Variants in RIMBP2 observed in about 807,000 individuals in gnomAD.
The protein encoded by RIMBP2 is RIMS binding protein 2.
RIMBP2 carries 48 observed loss-of-function variants against 118.6 expected under a neutral mutation model. The observed-to-expected ratio is 0.40, with a 90% confidence interval of 0.32 to 0.51. RIMBP2 has a LOEUF of 0.51. Ranked by LOEUF, RIMBP2 falls within the 20% of genes least tolerant of loss-of-function variation. The pLI, the probability that RIMBP2 is intolerant of heterozygous loss-of-function variation, is 0.41. For synonymous variants in RIMBP2, 762 were observed against 742.9 expected (o/e 1.03, Z -0.42); for missense variants, 1,551 against 1,768.3 (o/e 0.88, Z 2.20).
At chr12:130,501,252 G>T (rs924333115) in intron 4 of RIMBP2, among the ~76,000 whole-genome samples, 4 of 152,074 alleles carry the variant, frequency 2.6e-5, no homozygotes, top group Admixed American at 6.5e-5. Context: ...CTCGCATCAG[G>T]ACATGGCTCC....
intron 1 of RIMBP2, among the ~76,000 whole-genome samples, chr12:130,653,192 A>C (rs2063296981): frequency 6.6e-6 from 1 of 152,234 alleles, no homozygotes; most frequent in Admixed American, 6.5e-5. Context: ...TCTCATTTGC[A>C]GATAAGTTCC....
intron 4 of RIMBP2, among the ~76,000 whole-genome samples, chr12:130,493,345 C>T (rs916504670): frequency 6.6e-6 from 1 of 152,000 alleles, no homozygotes; most frequent in Non-Finnish European, 1.5e-5. Context: ...GATGGAATCT[C>T]GCTCTGTTGC....
At chr12:130,664,283 C>T (rs572138023) in intron 1 of RIMBP2, among the ~76,000 whole-genome samples, 5 of 151,580 alleles carry the variant, frequency 3.3e-5, no homozygotes, top group South Asian at 2.1e-4. Flanking sequence ...AAAACATGTG[C>T]GGTTAAACTG....
intron 2 of RIMBP2, among the ~76,000 whole-genome samples, chr12:130,596,539 A>T (rs576989891): frequency 6.6e-6 from 1 of 152,332 alleles, no homozygotes; most frequent in South Asian, 2.1e-4. Context: ...CAACGTAGGA[A>T]AACCGTAGAG....
chr12:130,434,120 G>A lies in RIMBP2; in HGVS notation c.2253+614C>T, dbSNP rs1308981508. Among the ~76,000 whole-genome samples, 1 of 152,194 alleles carries A rather than the reference G, an allele frequency of 6.6e-6. No homozygotes were observed. Among genetic ancestry groups the A allele is most frequent in the Non-Finnish European group, 1.5e-5 (1 of 68,034 alleles). On this transcript the variant is annotated intron_variant, in intron 14 of 22. Transcript: ENST00000690449. The surrounding 1 kb of genome is among the most constrained non-coding windows in gnomAD (Gnocchi z 5.7). Reference sequence around the variant, plus strand: ...TACTGTGTGATCTGATAACTGCAGCGTCTTCGAGCTCCCACTATTTAGCAT... The same window carrying A: ...TACTGTGTGATCTGATAACTGCAGCATCTTCGAGCTCCCACTATTTAGCAT...
intron 20 of RIMBP2, among the ~76,000 whole-genome samples, 182 bp downstream of exon 20, chr12:130,407,544 C>T (rs2075291513): frequency 6.6e-6 from 1 of 152,216 alleles, no homozygotes; most frequent in African/African-American, 2.4e-5. Flanking sequence ...CTGGGAATCC[C>T]ATGATTTCTC....
In RIMBP2 at chr12:130,412,632, A is replaced by G; in HGVS notation, c.3576T>C (p.Pro1192=). 2 of 1,613,716 alleles carry G rather than the reference A, an allele frequency of 1.2e-6. No individual in the cohort carries two copies. The highest frequency in any genetic ancestry group is 1.7e-5 in the Admixed American group (1 of 59,914). The change falls in exon 19 of 23, where the codon CCT becomes CCC. Residue 1192 remains proline, a synonymous_variant. Transcript: ENST00000690449. ...GTTTGCGCTTACCTATTTTCTCCACAGGTGTATTCAGAGGGAGAAAGCCCT... is the reference window on the plus strand; with the variant it reads ...GTTTGCGCTTACCTATTTTCTCCACGGGTGTATTCAGAGGGAGAAAGCCCT... The part of the protein sequence containing the change: ...LRQGFLPLNT[P]VEKIERSRRS...
intron 2 of RIMBP2, among the ~76,000 whole-genome samples, chr12:130,544,273 T>C (rs1290232361): frequency 6.6e-6 from 1 of 152,180 alleles, no homozygotes; most frequent in Non-Finnish European, 1.5e-5. Context: ...CCCCAGTAGG[T>C]GCTTTTGTTA....
At chr12:130,643,072 CA>C (rs2062695090) in intron 1 of RIMBP2, among the ~76,000 whole-genome samples, 1 of 152,240 alleles carries the variant, frequency 6.6e-6, no homozygotes, top group Non-Finnish European at 1.5e-5. Context: ...ACAGCTGCCT[CA>C]GGGGTCCTGG....
At chr12:130,532,135 G>T (rs2053470965) in intron 2 of RIMBP2, among the ~76,000 whole-genome samples, 1 of 150,790 alleles carries the variant, frequency 6.6e-6, no homozygotes, top group Non-Finnish European at 1.5e-5. Flanking sequence ...GTAGCCTCTA[G>T]GAGTTACGTC....
chr12:130,552,702 GATC>G (rs1283818349), intron 2 of RIMBP2, among the ~76,000 whole-genome samples: 2 of 152,166 alleles, frequency 1.3e-5, no homozygotes, highest in African/African-American at 4.8e-5. Context: ...TGATAAAAAG[GATC>G]ATGTTAGTCT....
intron 1 of RIMBP2, among the ~76,000 whole-genome samples, chr12:130,707,929 G>A (rs1949618715): frequency 2.6e-5 from 4 of 151,746 alleles, no homozygotes; most frequent in Admixed American, 2.6e-4. Context: ...TGAGAGAGAG[G>A]GAGAGAGAGA....
At chr12:130,596,064 G>A (rs7977675) in intron 2 of RIMBP2, among the ~76,000 whole-genome samples, 2,914 of 152,264 alleles carry the variant, frequency 0.019, 104 homozygotes, top group African/African-American at 0.067. Context: ...CAAAGCCATC[G>A]TCCCTGATGT....
chr12:130,710,853 C>T lies in RIMBP2; in HGVS notation c.-352+5369G>A, dbSNP rs972717613. 6.6e-6 allele frequency among the ~76,000 whole-genome samples: 1 copy of T among 152,356 alleles called. No individual in the cohort carries two copies. Among genetic ancestry groups the T allele is most frequent in the Non-Finnish European group, 1.5e-5 (1 of 68,038 alleles). On this transcript the variant is annotated intron_variant, in intron 1 of 22. Transcript: ENST00000690449. The surrounding 1 kb of genome is among the most constrained non-coding windows in gnomAD (Gnocchi z 4.3). ...TGCTCTACCTGCTCCTCCACAAGCC[C>T]CACTGCTCCCAATCCTCACAGGCCC...
intron 1 of RIMBP2, among the ~76,000 whole-genome samples, chr12:130,705,641 G>A (rs1327109221): frequency 3.3e-5 from 5 of 152,354 alleles, no homozygotes; most frequent in East Asian, 1.9e-4. Flanking sequence ...GCTGCACACC[G>A]CTTTCCTGCT....
chr12:130,466,128 C>A (rs750516472), intron 6 of RIMBP2: 18 of 152,224 alleles, frequency 1.2e-4, no homozygotes, highest in Admixed American at 2.0e-4. Flanking sequence ...CTCCTATGCA[C>A]TCTCAGGACA....
In RIMBP2 at chr12:130,412,754, G is replaced by A. The variant is rs767327564; in HGVS notation, c.3454C>T (p.Arg1152Cys). Residue 1152 changes from arginine to cysteine, a missense_variant, in exon 19 of 23, where the codon CGT becomes TGT. Around this residue, in one of 5 missense-constraint regions of RIMBP2, gnomAD observed 1,038 missense variants for 1,125.1 expected, o/e 0.92. Coordinates refer to ENST00000690449, the MANE Select transcript of RIMBP2 (RefSeq NM_001393629.1). ...CCAAGCCGGGCACAGGTTTCCCCAC[G>A]GTAGAATCCATCAGCGTCTTTATCA... Reference protein sequence around the residue: ...YGDKDADGFYRGETCARLGLI... With the variant: ...YGDKDADGFYCGETCARLGLI... The A allele has an allele frequency of 9.9e-6, 16 of 1,613,620 alleles. No homozygotes were observed. The highest frequency in any genetic ancestry group is 2.7e-5 in the African/African-American group (2 of 74,808).
chr12:130,438,386 G>T lies in RIMBP2; in HGVS notation c.1635C>A (p.Gly545=). 3.0e-6 allele frequency: 4 copies of T among 1,353,614 alleles called. No homozygotes were observed. The highest frequency in any genetic ancestry group is 3.9e-6 in the Non-Finnish European group (4 of 1,018,238). 83.9% of individuals were successfully genotyped at this position (1,353,614 alleles called of 1,614,324 possible). ...LSNGANVTGY[G]VYAKGQRVAE... is the part of the protein sequence containing the mutation. Reference sequence around the variant, plus strand: ...TCACCCTCTGCCCTTTGGCATACACGCCGTAGCCGGTAACGTTTGCGCCAT... The same window carrying T: ...TCACCCTCTGCCCTTTGGCATACACTCCGTAGCCGGTAACGTTTGCGCCAT... The change falls in exon 12 of 23, where the codon GGC becomes GGA. Residue 545 remains glycine (G), a synonymous_variant. Transcript: ENST00000690449.
At chr12:130,640,072 C>T (rs2062547785) in intron 1 of RIMBP2, among the ~76,000 whole-genome samples, 1 of 152,128 alleles carries the variant, frequency 6.6e-6, no homozygotes, top group Non-Finnish European at 1.5e-5. Context: ...CAGGTCATGC[C>T]TGTACACTCC....
Sources: allele counts gnomAD v4.1 joint callset (sites outside exome capture counted in the v4.1 genomes callset), GRCh38; gene constraint gnomAD v4.1.1; regional missense constraint gnomAD v4.1.1; non-coding constraint Gnocchi (gnomAD v3.1); transcripts MANE v1.5; gene names NCBI Gene and HGNC (gene_info 2026-07-23, HGNC 2026-07-21).